Variants in NRG3 observed in about 807,000 individuals in gnomAD.
NRG3 encodes the protein pro-neuregulin-3, membrane-bound isoform.
A neutral mutation model predicts 66.9 loss-of-function variants in NRG3; 31 were observed. The observed-to-expected ratio is 0.46, with a 90% CI of 0.35 to 0.63. The LOEUF (loss-of-function observed/expected upper bound fraction) is 0.63, where lower values mean the gene tolerates loss of function less well. NRG3 is among the 20% of genes least tolerant of loss of function. The probability of loss-of-function intolerance (pLI) is 0.00; values close to 1 mark genes in which losing one functional copy is unlikely to be tolerated. For synonymous variants in NRG3, 393 were observed against 359.4 expected (o/e 1.09, Z -1.06); for missense variants, 910 against 878.9 (o/e 1.04, Z -0.45).
intron 2 of NRG3, among the ~76,000 whole-genome samples, chr10:82,480,657 G>T (rs1312955317): frequency 6.6e-6 from 1 of 152,180 alleles, no homozygotes; most frequent in Non-Finnish European, 1.5e-5. Flanking sequence ...GCTCTGATTA[G>T]CTCTGGTCCA....
intron 3 of NRG3, among the ~76,000 whole-genome samples, chr10:82,771,164 T>G (rs182976883): frequency 9.2e-5 from 14 of 152,174 alleles, no homozygotes; most frequent in African/African-American, 3.1e-4. Context: ...AAATTTGTTA[T>G]ACTTTTATCA....
rs999241498 is a variant in NRG3 at position 82,971,926 on chromosome 10, G to A, written c.1285-1862G>A. 3.3e-5 allele frequency among the ~76,000 whole-genome samples: 5 copies of A among 152,052 alleles called. No homozygotes were observed. In the East Asian group the frequency reaches 7.7e-4, roughly 24 times the overall value. The stretch of plus-strand genomic sequence containing the variant: ...AAAGCTTTTTCACCTGTACATTGCA[G>A]GGTATATCTTTACCAATTCTGTCGA... On this transcript the variant is annotated intron_variant, in intron 6 of 8. Coordinates refer to ENST00000372141, the MANE Select transcript of NRG3 (RefSeq NM_001010848.4).
chr10:82,129,800 A>G lies in NRG3; in HGVS notation c.824-228939A>G, dbSNP rs528495970. 2.0e-5 allele frequency among the ~76,000 whole-genome samples: 3 copies of G among 152,004 alleles called. No homozygotes were observed. In the South Asian group the frequency reaches 6.2e-4, roughly 32 times the overall value. ...GGTCTCGAACTCCTGACCTCAAGTG[A>G]TCCTCCCACCTCTGCCTCCCAAAGT... On this transcript the variant is annotated intron_variant, in intron 1 of 8. Transcript: ENST00000372141.
chr10:82,343,718 G>A (rs1441110096), intron 1 of NRG3, among the ~76,000 whole-genome samples: 1 of 152,050 alleles, frequency 6.6e-6, no homozygotes, highest in Non-Finnish European at 1.5e-5. Context: ...TGACTGTTAA[G>A]AAATTACAAT....
At chr10:82,501,366 G>A (rs752969026) in intron 2 of NRG3, among the ~76,000 whole-genome samples, 1 of 152,112 alleles carries the variant, frequency 6.6e-6, no homozygotes, top group Non-Finnish European at 1.5e-5. Context: ...TTTTAACATA[G>A]AAGTTAGGTC....
At chr10:82,838,241 G>A (rs756110856) in intron 3 of NRG3, among the ~76,000 whole-genome samples, 1 of 152,140 alleles carries the variant, frequency 6.6e-6, no homozygotes, top group Non-Finnish European at 1.5e-5. Context: ...CAGATTATAA[G>A]TCAACTCTGA....
At chr10:82,444,958 A>G (rs935802965) in intron 2 of NRG3, among the ~76,000 whole-genome samples, 22 of 152,234 alleles carry the variant, frequency 1.4e-4, no homozygotes, top group Admixed American at 7.9e-4. Context: ...AATAAATGCT[A>G]TAACAGGCTG....
intron 1 of NRG3, among the ~76,000 whole-genome samples, chr10:82,193,668 G>A (rs2074287484): frequency 6.6e-6 from 1 of 152,112 alleles, no homozygotes; most frequent in African/African-American, 2.4e-5. Context: ...TGATGTGAAT[G>A]GTGAGATCAA....
intron 2 of NRG3, among the ~76,000 whole-genome samples, chr10:82,381,421 C>T (rs1476949358): frequency 6.6e-6 from 1 of 152,116 alleles, no homozygotes; most frequent in Non-Finnish European, 1.5e-5. Context: ...TTAAGATAAA[C>T]ATAGCTATCA....
At chr10:82,961,740 G>A (rs562519613) in intron 6 of NRG3, among the ~76,000 whole-genome samples, 1 of 152,178 alleles carries the variant, frequency 6.6e-6, no homozygotes, top group African/African-American at 2.4e-5. Flanking sequence ...AAGTGGTAAA[G>A]AAGTTCACAG....
chr10:82,825,044 G>T (rs773098692), intron 3 of NRG3, among the ~76,000 whole-genome samples: 6 of 152,050 alleles, frequency 3.9e-5, no homozygotes, highest in Non-Finnish European at 7.4e-5. Context: ...AGTTGTCAGA[G>T]TTCTTTATGT....
chr10:82,947,776 T>C (rs918237253), intron 4 of NRG3, among the ~76,000 whole-genome samples: 9 of 152,134 alleles, frequency 5.9e-5, no homozygotes, highest in African/African-American at 2.2e-4. Context: ...ATTGGTTTGC[T>C]TATCTTATTA....
chr10:82,000,417 A>G (rs2061117816), intron 1 of NRG3, among the ~76,000 whole-genome samples: 1 of 151,970 alleles, frequency 6.6e-6, no homozygotes, highest in Non-Finnish European at 1.5e-5. Context: ...GCCATGGGGT[A>G]ACATTGTCAG....
intron 2 of NRG3, among the ~76,000 whole-genome samples, chr10:82,686,789 A>T (rs2054548740): frequency 6.6e-6 from 1 of 152,176 alleles, no homozygotes; most frequent in African/African-American, 2.4e-5. Flanking sequence ...TTTTCCTCAA[A>T]AATTAGATGC....
chr10:82,477,765 G>A (rs1051090239), intron 2 of NRG3, among the ~76,000 whole-genome samples: 1 of 152,204 alleles, frequency 6.6e-6, no homozygotes, highest in African/African-American at 2.4e-5. Flanking sequence ...AGGGAACATA[G>A]AGGAATAAGG....
intron 1 of NRG3, among the ~76,000 whole-genome samples, chr10:82,236,607 C>T (rs1381534565): frequency 6.6e-6 from 1 of 151,998 alleles, no homozygotes; most frequent in Non-Finnish European, 1.5e-5. Context: ...CTTAGTTTCT[C>T]AGTCATCTGT....
intron 1 of NRG3, among the ~76,000 whole-genome samples, chr10:82,109,287 A>T (rs115227894): frequency 1.3e-5 from 2 of 152,154 alleles, no homozygotes; most frequent in East Asian, 3.9e-4. Context: ...GAGTGATTGA[A>T]GAAGGCCACA....
chr10:82,823,129 T>C (rs561407580), intron 3 of NRG3, among the ~76,000 whole-genome samples: 1 of 152,184 alleles, frequency 6.6e-6, no homozygotes, highest in Non-Finnish European at 1.5e-5. Context: ...CCACTCCAGG[T>C]TATTTTTCTC....
At chr10:82,835,096 A>G (rs1307565409) in intron 3 of NRG3, among the ~76,000 whole-genome samples, 17 of 152,198 alleles carry the variant, frequency 1.1e-4, no homozygotes, top group Admixed American at 1.0e-3. Flanking sequence ...TGCCATTTTC[A>G]TCTGGTTTCC....
Sources: gnomAD v4.1 joint callset for allele counts (sites outside exome capture counted in the v4.1 genomes callset) on GRCh38, gnomAD v4.1.1 for gene constraint, MANE v1.5 for transcripts, NCBI Gene and HGNC (gene_info 2026-07-23, HGNC 2026-07-21) for gene names.